Variants in PNLIPRP3 observed in about 807,000 individuals in gnomAD.
PNLIPRP3 encodes the protein pancreatic lipase related protein 3.
A neutral mutation model predicts 52.8 loss-of-function variants in PNLIPRP3; 58 were observed. The ratio of observed to expected loss-of-function variants is 1.10; its 90% CI spans 0.89 to 1.37. PNLIPRP3 has a LOEUF of 1.37. Among genes scored for constraint, PNLIPRP3 ranks in the 40% most tolerant of loss-of-function variants. PNLIPRP3 has a pLI of 0.00. For synonymous variants in PNLIPRP3, 192 were observed against 185.0 expected (o/e 1.04, Z -0.31); for missense variants, 593 against 561.6 (o/e 1.06, Z -0.57).
At chr10:116,476,490 A>G (rs947336229) in intron 10 of PNLIPRP3, among the ~76,000 whole-genome samples, 162 bp from the exon 11 acceptor site, 1 of 152,214 alleles carries the variant, frequency 6.6e-6, no homozygotes, top group African/African-American at 2.4e-5. Context: ...GAACCATGCT[A>G]TTCTGAGATG....
chr10:116,436,287 G>C (rs1342807443), intron 1 of PNLIPRP3, among the ~76,000 whole-genome samples: 2 of 152,102 alleles, frequency 1.3e-5, no homozygotes, highest in Non-Finnish European at 2.9e-5. Flanking sequence ...TGGGAATATT[G>C]GATATCCACA....
intron 10 of PNLIPRP3, among the ~76,000 whole-genome samples, chr10:116,473,948 CAAAAAAAAAA>C (rs771490177): frequency 9.7e-6 from 1 of 103,278 alleles, no homozygotes; most frequent in South Asian, 4.1e-4. Flanking sequence ...CATATGGAAC[CAAAAAAAAAA>C]AAAAAAAAAA....
chr10:116,476,607 T>G (rs1468499682), intron 10 of PNLIPRP3, 45 bp from the exon 11 acceptor site: 7 of 1,454,130 alleles, frequency 4.8e-6, no homozygotes, highest in Non-Finnish European at 6.5e-6. Context: ...CATTCAGTGC[T>G]GTGAATACCC....
At chr10:116,469,572 G>A (rs1846333865) in intron 9 of PNLIPRP3, among the ~76,000 whole-genome samples, 2 of 152,220 alleles carry the variant, frequency 1.3e-5, no homozygotes, top group Non-Finnish European at 2.9e-5. Flanking sequence ...AAAGGTCAGA[G>A]AGCCTTTCGA....
At chr10:116,474,823 A>G (rs2133162124) in intron 10 of PNLIPRP3, among the ~76,000 whole-genome samples, 1 of 152,378 alleles carries the variant, frequency 6.6e-6, no homozygotes, top group East Asian at 1.9e-4. Context: ...TTTTGGAGAA[A>G]AAGGAACACC....
intron 4 of PNLIPRP3, among the ~76,000 whole-genome samples, chr10:116,445,022 A>T (rs531804428): frequency 6.6e-6 from 1 of 152,328 alleles, no homozygotes; most frequent in South Asian, 2.1e-4. Flanking sequence ...TGCGACATTC[A>T]CGAATCTCCA....
intron 1 of PNLIPRP3, among the ~76,000 whole-genome samples, chr10:116,433,677 G>A (rs1270802901): frequency 6.6e-6 from 1 of 151,490 alleles, no homozygotes; most frequent in Non-Finnish European, 1.5e-5. Context: ...AGTATTCTAA[G>A]TCTAGACACC....
At chr10:116,437,806 C>A (rs527978208) in intron 2 of PNLIPRP3, among the ~76,000 whole-genome samples, 5 of 152,264 alleles carry the variant, frequency 3.3e-5, no homozygotes, top group Admixed American at 1.3e-4. Flanking sequence ...CTCAATTCAT[C>A]AGCCACACCA....
chr10:116,454,121 T>C (rs915440676), intron 4 of PNLIPRP3, among the ~76,000 whole-genome samples: 2 of 151,154 alleles, frequency 1.3e-5, no homozygotes, highest in East Asian at 1.9e-4. Context: ...ATCTCATTCT[T>C]TTTTTTTTGA....
At position 116,477,098 on chromosome 10, in the gene PNLIPRP3, T is replaced by A. The variant is rs2116286; in HGVS notation, c.1349T>A (p.Phe450Tyr). The change falls in exon 12 of 12, where the codon TTC (phenylalanine) becomes TAC (tyrosine). Residue 450 changes from phenylalanine to tyrosine, a missense_variant. Transcript: ENST00000369230. ...TCCTTAAAAACTTTCAGATCTACCT[T>A]CTGTAGCCAAGACATTATGGGACCT... ...TSGKYGYKST[F>Y]CSQDIMGPNI... The A allele has an allele frequency of 0.039, 61,434 of 1,592,846 alleles. 6,150 individuals are homozygous for A. The highest frequency in any genetic ancestry group is 0.38 in the East Asian group (16,893 of 44,542).
rs938755603 is a variant in PNLIPRP3, at chr10:116,470,658, G to A, written c.1061-1110G>A. 2.6e-5 allele frequency among the ~76,000 whole-genome samples: 4 copies of A among 151,726 alleles called. No homozygotes were observed. The East Asian group carries it at 5.8e-4, about 22-fold the overall frequency. ...CCAAGTAGCTGGGATTACAGGCGCC[G>A]CCACCACGCTAGGCTAGTTTTTTGT... On this transcript the variant is annotated intron_variant, in intron 9 of 11. Coordinates refer to ENST00000369230, the MANE Select transcript of PNLIPRP3 (RefSeq NM_001011709.3).
intron 4 of PNLIPRP3, among the ~76,000 whole-genome samples, chr10:116,448,380 T>G (rs1227628136): frequency 6.6e-6 from 1 of 152,176 alleles, no homozygotes; most frequent in African/African-American, 2.4e-5. Context: ...AGATATTTTA[T>G]GTAAACCCTA....
chr10:116,476,830 C>T lies in PNLIPRP3; in HGVS notation c.1340+11C>T. On this transcript the variant is annotated intron_variant, in intron 11 of 11. Coordinates refer to ENST00000369230, the MANE Select transcript of PNLIPRP3 (RefSeq NM_001011709.3). ...GAAATATGGATATAAGTAAGTATTG[C>T]TTTTTCCTTTTCATTTTCGTAGTTT... 1 of 1,559,460 alleles carries T rather than the reference C, an allele frequency of 6.4e-7. No individual in the cohort carries two copies. Among genetic ancestry groups the T allele is most frequent in the Non-Finnish European group, 8.7e-7 (1 of 1,153,950 alleles).
chr10:116,443,783 G>GTA (rs1476281526), intron 3 of PNLIPRP3, among the ~76,000 whole-genome samples: 1,255 of 28,698 alleles, frequency 0.044, 18 homozygotes, highest in Non-Finnish European at 0.11. Flanking sequence ...GTGTGTGTGT[G>GTA]TGTATGTATG....
intron 7 of PNLIPRP3, among the ~76,000 whole-genome samples, chr10:116,464,656 T>A (rs1225167918): frequency 6.6e-6 from 1 of 152,140 alleles, no homozygotes; most frequent in Non-Finnish European, 1.5e-5. Context: ...GGAAATGTGG[T>A]GGTGCCAAAA....
At chr10:116,446,532 G>A (rs1375620163) in intron 4 of PNLIPRP3, among the ~76,000 whole-genome samples, 2 of 152,074 alleles carry the variant, frequency 1.3e-5, no homozygotes, top group East Asian at 1.9e-4. Context: ...AATGAAAAAT[G>A]TATGCAAGTA....
chr10:116,442,665 A>G (rs1214020148), intron 2 of PNLIPRP3, among the ~76,000 whole-genome samples: 1 of 152,056 alleles, frequency 6.6e-6, no homozygotes, highest in Non-Finnish European at 1.5e-5. Context: ...GGAGTTCAAG[A>G]TCACCCTAGG....
chr10:116,433,538 G>A (rs550670308), intron 1 of PNLIPRP3, among the ~76,000 whole-genome samples: 2 of 152,282 alleles, frequency 1.3e-5, no homozygotes, highest in South Asian at 4.1e-4. Context: ...CATACTGGTG[G>A]TACTTACAGA....
intron 2 of PNLIPRP3, chr10:116,439,325 C>G (rs1845823997): frequency 2.5e-6 from 1 of 396,764 alleles, no homozygotes; most frequent in Admixed American, 3.1e-5. Context: ...CTTTGAGAGA[C>G]TACAATATGA....
Sources: allele counts gnomAD v4.1 joint callset (sites outside exome capture counted in the v4.1 genomes callset), GRCh38; gene constraint gnomAD v4.1.1; transcripts MANE v1.5; gene names NCBI Gene and HGNC (gene_info 2026-07-23, HGNC 2026-07-21).